CNTN5: variants seen among roughly 807,000 people sequenced by gnomAD.
CNTN5 encodes the protein contactin 5.
A neutral mutation model predicts 129.1 loss-of-function variants in CNTN5; 77 were observed. The observed-to-expected ratio is 0.60, with a 90% CI of 0.50 to 0.72. The LOEUF is 0.72. CNTN5 is among the 30% of genes least tolerant of loss of function. The pLI, the probability that CNTN5 is intolerant of heterozygous loss-of-function variation, is 0.00. For missense variants in CNTN5, 1,478 were observed against 1,328.8 expected (o/e 1.11, Z -1.75); for synonymous variants, 509 against 465.6 (o/e 1.09, Z -1.20).
intron 6 of CNTN5, among the ~76,000 whole-genome samples, chr11:99,913,128 C>A (rs985945955): frequency 3.3e-5 from 5 of 152,014 alleles, no homozygotes; most frequent in Non-Finnish European, 7.4e-5. Flanking sequence ...CCTGCACATA[C>A]ATCCACCGAA....
intron 8 of CNTN5, among the ~76,000 whole-genome samples, chr11:99,977,745 C>T (rs143787657): frequency 2.0e-4 from 31 of 152,308 alleles, no homozygotes; most frequent in African/African-American, 6.7e-4. Context: ...CCGCCTTCAA[C>T]ATATGGGGAT....
intron 21 of CNTN5, among the ~76,000 whole-genome samples, chr11:100,325,856 T>A (rs116753015): frequency 0.011 from 1,629 of 152,246 alleles, 27 homozygotes; most frequent in African/African-American, 0.038. Context: ...TGAAGGAAAA[T>A]CTTTGAAAGA....
At chr11:100,088,988 A>G (rs1457976910) in intron 13 of CNTN5, among the ~76,000 whole-genome samples, 2 of 152,128 alleles carry the variant, frequency 1.3e-5, no homozygotes, top group Non-Finnish European at 2.9e-5. Flanking sequence ...TTCTCTAAAT[A>G]TACTAGCAAA....
At position 99,408,502 on chromosome 11, in the gene CNTN5, G is replaced by GAAAGAAAGAAAGAA. The variant is rs1363384953; in HGVS notation, c.-71+83022_-71+83023insAAAGAAAGAAAAAG. On this transcript the variant is annotated intron_variant, in intron 2 of 24. Transcript: ENST00000524871. The stretch of plus-strand genomic sequence containing the variant: ...AGAAAGAAAGAAAGAAAGAAAGAAA[G>GAAAGAAAGAAAGAA]AAAGTTAGTTCATAGAAATTGGAGT... Among the ~76,000 whole-genome samples the GAAAGAAAGAAAGAA allele has an allele frequency of 2.0e-5, 3 of 146,584 alleles. No homozygotes were observed. In the East Asian group the frequency reaches 6.4e-4, roughly 31 times the overall value.
intron 1 of CNTN5, among the ~76,000 whole-genome samples, chr11:99,294,111 T>C (rs1179838342): frequency 1.3e-5 from 2 of 152,134 alleles, no homozygotes; most frequent in Admixed American, 1.3e-4. Context: ...TGTTGTGTTT[T>C]CATTTTTTCC....
intron 3 of CNTN5, among the ~76,000 whole-genome samples, chr11:99,786,544 C>G (rs1945531016): frequency 6.6e-6 from 1 of 152,012 alleles, no homozygotes; most frequent in Non-Finnish European, 1.5e-5. Context: ...CCCATATAGC[C>G]AAGACAATCC....
At chr11:99,312,777 A>C (rs534939628) in intron 1 of CNTN5, among the ~76,000 whole-genome samples, 100 of 151,198 alleles carry the variant, frequency 6.6e-4, no homozygotes, top group Middle Eastern at 3.4e-3. Context: ...CTACATGATA[A>C]ATGAGAAGAA....
In CNTN5 at chr11:99,916,110, G is replaced by T; in HGVS notation, c.634G>T (p.Gly212Cys). Reference sequence around the variant, plus strand: ...TGCAGTCTCTGTGAGGGAAGGCCAGGGTGTCGTTCTGATGTGCTCTCCTCC... The same window carrying T: ...TGCAGTCTCTGTGAGGGAAGGCCAGTGTGTCGTTCTGATGTGCTCTCCTCC... ...RSAVSVREGQ[G>C]VVLMCSPPPH... Residue 212 changes from glycine to cysteine, a missense_variant, in exon 7 of 25, where the codon GGT (glycine) becomes TGT (cysteine). Gly to Cys is a radical substitution (Grantham distance 159). Transcript: ENST00000524871. The T allele has an allele frequency of 6.2e-7, 1 of 1,612,366 alleles. No individual in the cohort carries two copies. The highest frequency in any genetic ancestry group is 1.7e-5 in the Admixed American group (1 of 59,760).
At chr11:100,314,692 C>T (rs997765193) in intron 21 of CNTN5, among the ~76,000 whole-genome samples, 3 of 152,058 alleles carry the variant, frequency 2.0e-5, no homozygotes, top group South Asian at 4.1e-4. Flanking sequence ...GGAGAGAAGA[C>T]GGCATCATTA....
At chr11:99,724,134 C>T (rs1943261042) in intron 3 of CNTN5, among the ~76,000 whole-genome samples, 2 of 152,154 alleles carry the variant, frequency 1.3e-5, no homozygotes, top group Admixed American at 6.5e-5. Context: ...CACAGTCATT[C>T]ATGTGAACAG....
intron 7 of CNTN5, 33 bp downstream of exon 7, chr11:99,916,182 C>T (rs1949785884): frequency 6.5e-7 from 1 of 1,536,068 alleles, no homozygotes; most frequent in East Asian, 2.3e-5. Context: ...GCTGCTGCTG[C>T]TGCTCTCTTT....
intron 1 of CNTN5, among the ~76,000 whole-genome samples, chr11:99,108,876 A>G (rs1171456818): frequency 6.6e-6 from 1 of 152,076 alleles, no homozygotes; most frequent in Non-Finnish European, 1.5e-5. Flanking sequence ...AAAAATGGTT[A>G]TACATATGTT....
intron 13 of CNTN5, among the ~76,000 whole-genome samples, chr11:100,104,449 G>A (rs1489737611): frequency 6.6e-6 from 1 of 151,498 alleles, no homozygotes; most frequent in African/African-American, 2.4e-5. Context: ...TAAGCAGCAA[G>A]TTCTAGAAAA....
At chr11:100,069,250 TCAAA>T (rs969869343) in intron 10 of CNTN5, among the ~76,000 whole-genome samples, 4 of 152,110 alleles carry the variant, frequency 2.6e-5, no homozygotes, top group Non-Finnish European at 5.9e-5. Flanking sequence ...CCTCCCATGA[TCAAA>T]CAGTCCTCCT....
intron 3 of CNTN5, among the ~76,000 whole-genome samples, chr11:99,781,191 T>G (rs1440812944): frequency 6.6e-6 from 1 of 152,030 alleles, no homozygotes; most frequent in Non-Finnish European, 1.5e-5. Context: ...TAAAATAAAT[T>G]GTTAACTGCC....
intron 1 of CNTN5, among the ~76,000 whole-genome samples, chr11:99,204,246 A>G (rs1303229623): frequency 2.0e-5 from 3 of 152,344 alleles, no homozygotes; most frequent in Non-Finnish European, 4.4e-5. Flanking sequence ...TTTGTTCTCA[A>G]TTTCTAAAGC....
At chr11:99,613,860 G>T (rs985638565) in intron 3 of CNTN5, among the ~76,000 whole-genome samples, 6 of 152,144 alleles carry the variant, frequency 3.9e-5, no homozygotes, top group African/African-American at 1.4e-4. Flanking sequence ...AAATATTTTT[G>T]ATGTAAACTG....
At chr11:99,875,710 G>A (rs1211896350) in intron 6 of CNTN5, among the ~76,000 whole-genome samples, 1 of 151,370 alleles carries the variant, frequency 6.6e-6, no homozygotes, top group Non-Finnish European at 1.5e-5. Flanking sequence ...AAATTGTCTT[G>A]CTAAAAGTCT....
chr11:100,306,885 A>T (rs1277376790), intron 20 of CNTN5, among the ~76,000 whole-genome samples: 1 of 151,746 alleles, frequency 6.6e-6, no homozygotes, highest in Non-Finnish European at 1.5e-5. Context: ...TTCAACTTAT[A>T]CCATGGCAGG....
Sources: allele counts gnomAD v4.1 joint callset (sites outside exome capture counted in the v4.1 genomes callset), GRCh38; gene constraint gnomAD v4.1.1; transcripts MANE v1.5; gene names NCBI Gene and HGNC (gene_info 2026-07-23, HGNC 2026-07-21).